The following ISCA1 variants were observed in gnomAD, a reference collection of about 807,000 sequenced individuals.
The protein encoded by ISCA1 is iron-sulfur cluster assembly 1, also known as iron-sulfur cluster assembly 1 homolog, mitochondrial.
ISCA1 carries 9 observed loss-of-function variants against 14.7 expected under a neutral mutation model. That is an observed-to-expected ratio of 0.61 (90% CI 0.37 to 1.07). The LOEUF is 1.07. Among genes scored for constraint, ISCA1 ranks in the 50% least tolerant of loss-of-function variants. The pLI, the probability that ISCA1 is intolerant of heterozygous loss-of-function variation, is 0.01. For missense variants in ISCA1, 102 were observed against 150.1 expected (o/e 0.68, Z 1.67); for synonymous variants, 38 against 54.3 (o/e 0.70, Z 1.32).
intron 3 of ISCA1, among the ~76,000 whole-genome samples, chr9:86,268,643 A>C (rs1320790911): frequency 6.6e-6 from 1 of 152,054 alleles, no homozygotes; most frequent in African/African-American, 2.4e-5. Flanking sequence ...TGCAAGTTCC[A>C]TGCATGGTAA....
chr9:86,270,891 AATGAGAACAC>A (rs1825360008), intron 3 of ISCA1, among the ~76,000 whole-genome samples: 1 of 144,214 alleles, frequency 6.9e-6, no homozygotes, highest in Admixed American at 7.2e-5. Context: ...GGAATTGAAC[AATGAGAACAC>A]ATGGACACAG....
chr9:86,281,700 T>A (rs540869542), intron 1 of ISCA1, among the ~76,000 whole-genome samples: 8 of 152,354 alleles, frequency 5.3e-5, no homozygotes, highest in African/African-American at 1.9e-4. Context: ...TCTGGTGCCC[T>A]CTGAGTGTTT....
At chr9:86,273,701 C>T (rs558651259) in intron 2 of ISCA1, among the ~76,000 whole-genome samples, 1 of 152,272 alleles carries the variant, frequency 6.6e-6, no homozygotes, top group South Asian at 2.1e-4. Context: ...ACAACCAAAG[C>T]TTTGTGGAAT....
Position 86,271,860 on chromosome 9 carries a change from A to G in ISCA1, c.241+147T>C, listed in dbSNP as rs941308250. 3 of 601,114 alleles carry G rather than the reference A, an allele frequency of 5.0e-6. No individual in the cohort carries two copies. The African/African-American group carries it at 5.6e-5, about 11-fold the overall frequency. 37.2% of individuals were successfully genotyped at this position (601,114 alleles called of 1,614,324 possible). A position where few individuals can be genotyped will look rare whatever the true frequency, so the allele number is the denominator to read the frequency against. On this transcript the variant is annotated intron_variant, in intron 3 of 3. Transcript: ENST00000375991. ...GCATTGTGTATAAATCAGTTAATAC[A>G]TGAAATTCCATCAAACAACACCTAC...
intron 1 of ISCA1, among the ~76,000 whole-genome samples, chr9:86,280,811 C>T (rs965485839): frequency 1.3e-5 from 2 of 151,802 alleles, no homozygotes; most frequent in Non-Finnish European, 2.9e-5. Flanking sequence ...ACCGGTGGTC[C>T]CAGCGACTTG....
chr9:86,271,373 G>A (rs906592540), intron 3 of ISCA1, among the ~76,000 whole-genome samples: 6 of 152,220 alleles, frequency 3.9e-5, no homozygotes, highest in East Asian at 1.9e-4. Context: ...TTTGTCTAAC[G>A]TCACATTTCT....
intron 2 of ISCA1, among the ~76,000 whole-genome samples, chr9:86,273,968 G>T (rs1449797428): frequency 2.0e-5 from 3 of 152,194 alleles, no homozygotes; most frequent in Non-Finnish European, 4.4e-5. Context: ...CAAAGAGATT[G>T]CTTCTTGGAA....
chr9:86,276,141 G>C (rs1396824419), intron 1 of ISCA1, among the ~76,000 whole-genome samples: 1 of 151,926 alleles, frequency 6.6e-6, no homozygotes, highest in Non-Finnish European at 1.5e-5. Context: ...TCTGCAACTA[G>C]ATGGCCCCAT....
In ISCA1 at chr9:86,265,073, G is replaced by A. The variant is rs779143744; in HGVS notation, c.*970C>T. 2.6e-5 allele frequency: 4 copies of A among 152,152 alleles called. No homozygotes were observed. The highest frequency in any genetic ancestry group is 5.9e-5 in the Non-Finnish European group (4 of 68,034). The allele number at this position is 152,152 out of a possible 1,614,324, so 9.4% of individuals were successfully genotyped here. A position where few individuals can be genotyped will look rare whatever the true frequency, so the allele number is the denominator to read the frequency against. ...TTTCAAAGGTGAAAGAAACAAGATG[G>A]TAATTGACATAAAAAGGTTTTAAAA... is the stretch of plus-strand genomic sequence containing the variant. On this transcript the variant is annotated 3_prime_UTR_variant, in exon 4 of 4. Coordinates refer to ENST00000375991, the MANE Select transcript of ISCA1 (RefSeq NM_030940.4).
chr9:86,281,933 C>G (rs1233526932), intron 1 of ISCA1: 1 of 159,706 alleles, frequency 6.3e-6, no homozygotes, highest in East Asian at 1.8e-4. Flanking sequence ...ACACAGCGGT[C>G]CTTCGGACAG....
intron 3 of ISCA1, among the ~76,000 whole-genome samples, chr9:86,269,748 A>G (rs1403701790): frequency 6.6e-6 from 1 of 151,474 alleles, no homozygotes; most frequent in Non-Finnish European, 1.5e-5. Flanking sequence ...ACAGAGATAT[A>G]GATCAATGGA....
At chr9:86,275,328 TGTACA>T (rs1414391445) in intron 1 of ISCA1, among the ~76,000 whole-genome samples, 6 of 152,240 alleles carry the variant, frequency 3.9e-5, no homozygotes, top group Admixed American at 1.3e-4. Flanking sequence ...GACATTTTAC[TGTACA>T]GTAAAGTCTT....
chr9:86,271,942 T>A lies in ISCA1; in HGVS notation c.241+65A>T. The A allele has an allele frequency of 6.0e-6, 5 of 831,922 alleles. No individual in the cohort carries two copies. In the South Asian group the frequency reaches 7.1e-5, roughly 12 times the overall value. The allele number at this position is 831,922 out of a possible 1,614,324, so 51.5% of individuals were successfully genotyped here. A position where few individuals can be genotyped will look rare whatever the true frequency, so the allele number is the denominator to read the frequency against. ...GCTACTATCCTTATTTTTTACTTTG[T>A]GCTGTGCAAGGCTAATAATTTTAGG... On this transcript the variant is annotated intron_variant, in intron 3 of 3. Transcript: ENST00000375991.
At chr9:86,278,061 AAAATT>A (rs1206632152) in intron 1 of ISCA1, among the ~76,000 whole-genome samples, 3 of 152,200 alleles carry the variant, frequency 2.0e-5, no homozygotes, top group African/African-American at 7.2e-5. Context: ...GCTGTTTAAG[AAAATT>A]AAATTAAATT....
rs1825290831 is a variant in ISCA1 at position 86,266,121 on chromosome 9, G to A, written c.312C>T (p.Asp104=). Residue 104 remains aspartate, a synonymous_variant, in exon 4 of 4, where the codon GAC becomes GAT. Transcript: ENST00000375991. ...LLGTEMDYVE[D]KLSSEFVFNN... ...TGAACACAAACTCACTGGATAATTT[G>A]TCTTCAACATAGTCCATTTCTGTTC... 6.2e-7 allele frequency: 1 copy of A among 1,613,132 alleles called. No individual in the cohort carries two copies. Among genetic ancestry groups the A allele is most frequent in the Admixed American group, 1.7e-5 (1 of 59,870 alleles).
At chr9:86,268,575 T>C (rs1444757435) in intron 3 of ISCA1, among the ~76,000 whole-genome samples, 5 of 152,260 alleles carry the variant, frequency 3.3e-5, no homozygotes, top group African/African-American at 1.2e-4. Flanking sequence ...TCCTAGGCTT[T>C]CACATTCACT....
chr9:86,275,990 G>A (rs1825435567), intron 1 of ISCA1, among the ~76,000 whole-genome samples: 2 of 152,180 alleles, frequency 1.3e-5, no homozygotes, highest in Non-Finnish European at 2.9e-5. Flanking sequence ...TTTTTCCACG[G>A]ATAAGGGGAA....
rs984724375 is a variant in ISCA1 at position 86,265,178 on chromosome 9, T to A, written c.*865A>T. ...AAATTCTATCAAAATGTTGACCACA[T>A]AAAGAAGTCAGACCATTTGCCTTCG... On this transcript the variant is annotated 3_prime_UTR_variant, in exon 4 of 4. Coordinates refer to ENST00000375991, the MANE Select transcript of ISCA1 (RefSeq NM_030940.4). 2.0e-5 allele frequency: 3 copies of A among 152,222 alleles called. No homozygotes were observed. The highest frequency in any genetic ancestry group is 4.4e-5 in the Non-Finnish European group (3 of 68,042). The allele number at this position is 152,222 out of a possible 1,614,324, so 9.4% of individuals were successfully genotyped here. A position where few individuals can be genotyped will look rare whatever the true frequency, so the allele number is the denominator to read the frequency against.
chr9:86,275,472 C>T (rs1332857683), intron 1 of ISCA1, among the ~76,000 whole-genome samples: 3 of 152,142 alleles, frequency 2.0e-5, no homozygotes, highest in African/African-American at 4.8e-5. Context: ...CCTGCCCTGT[C>T]GGGGTTGGGG....
Sources: allele counts gnomAD v4.1 joint callset (sites outside exome capture counted in the v4.1 genomes callset), GRCh38; gene constraint gnomAD v4.1.1; transcripts MANE v1.5; gene names NCBI Gene and HGNC (gene_info 2026-07-23, HGNC 2026-07-21).